ADRA1B: variants seen among roughly 807,000 people sequenced by gnomAD.
The protein encoded by ADRA1B is alpha-1B adrenergic receptor.
In ADRA1B, 17 loss-of-function variants were observed where a neutral mutation model predicts 17.9. That is an observed-to-expected ratio of 0.95 (90% CI 0.65 to 1.42). ADRA1B has a LOEUF of 1.42. ADRA1B is among the 40% of genes most tolerant of loss of function. The pLI, the probability that ADRA1B is intolerant of heterozygous loss-of-function variation, is 0.00. For missense variants in ADRA1B, 681 were observed against 722.1 expected (o/e 0.94, Z 0.65); for synonymous variants, 366 against 327.6 (o/e 1.12, Z -1.27).
Position 159,931,752 on chromosome 5 carries a change from G to A in ADRA1B, c.949+13898G>A, listed in dbSNP as rs112728934. ...AACATTCAGTGTCTGGTGAGGACCT[G>A]CCCATAGATGGTGACTTCTATGTGT... is the stretch of plus-strand genomic sequence containing the variant. On this transcript the variant is annotated intron_variant, in intron 1 of 1. Transcript: ENST00000306675. Among the ~76,000 whole-genome samples, 662 of 152,298 alleles carry A rather than the reference G, an allele frequency of 4.3e-3. 7 individuals are homozygous for A. Among genetic ancestry groups the A allele is most frequent in the African/African-American group, 0.015 (617 of 41,544 alleles).
intron 1 of ADRA1B, among the ~76,000 whole-genome samples, chr5:159,965,021 G>A (rs139990733): frequency 6.6e-6 from 1 of 152,288 alleles, no homozygotes; most frequent in African/African-American, 2.4e-5. Flanking sequence ...CTCCAAGGTC[G>A]CCCAGCTGAG....
At chr5:159,943,442 C>T (rs757594143) in intron 1 of ADRA1B, among the ~76,000 whole-genome samples, 14 of 152,266 alleles carry the variant, frequency 9.2e-5, no homozygotes, top group Admixed American at 2.6e-4. Context: ...AGTAAACCCA[C>T]GGGGCCAGTT....
At chr5:159,894,344 G>T (rs1335316104) in intron 1 of ADRA1B, among the ~76,000 whole-genome samples, 1 of 152,190 alleles carries the variant, frequency 6.6e-6, no homozygotes, top group Non-Finnish European at 1.5e-5. Context: ...TGTTTTAGGG[G>T]ATAGAGAATT....
At chr5:159,913,274 C>T (rs1377712059), upstream of ADRA1B, among the ~76,000 whole-genome samples, 2 of 152,096 alleles carry the variant, frequency 1.3e-5, no homozygotes, top group Admixed American at 6.5e-5. Context: ...AATGAAATAT[C>T]GTCTGTGTTC....
At chr5:159,897,442 C>G (rs747250705) in intron 1 of ADRA1B, among the ~76,000 whole-genome samples, 8 of 151,572 alleles carry the variant, frequency 5.3e-5, no homozygotes, top group African/African-American at 1.5e-4. Context: ...GCAGAGATCA[C>G]GCCACTGCAC....
At chr5:159,885,361 C>A (rs766985477) in intron 1 of ADRA1B, among the ~76,000 whole-genome samples, 1 of 152,210 alleles carries the variant, frequency 6.6e-6, no homozygotes, top group Non-Finnish European at 1.5e-5. Context: ...CAGCCCCCAA[C>A]TCCAGGGTGA....
Position 159,972,280 on chromosome 5 carries a change from G to C in ADRA1B, c.1351G>C (p.Gly451Arg). The C allele has an allele frequency of 7.3e-7, 1 of 1,368,320 alleles. No homozygotes were observed. The highest frequency in any genetic ancestry group is 9.4e-7 in the Non-Finnish European group (1 of 1,063,212). 84.8% of individuals were successfully genotyped at this position (1,368,320 alleles called of 1,614,324 possible). A position where few individuals can be genotyped will look rare whatever the true frequency, so the allele number is the denominator to read the frequency against. ...CGCCTTCCCCGAGTGGAAGGCGCCCGGCGCCCTCCTGAGCCTGCCCGCGCC... is the reference window on the plus strand; with the variant it reads ...CGCCTTCCCCGAGTGGAAGGCGCCCCGCGCCCTCCTGAGCCTGCCCGCGCC... ...LCAFPEWKAP[G>R]ALLSLPAPEP... The change falls in exon 2 of 2, where the codon GGC becomes CGC. Residue 451 changes from glycine (G) to arginine (R), a missense_variant. Coordinates refer to ENST00000306675, the MANE Select transcript of ADRA1B (RefSeq NM_000679.4).
At chr5:159,874,417 A>T (rs1753781155) in intron 1 of ADRA1B, among the ~76,000 whole-genome samples, 1 of 152,182 alleles carries the variant, frequency 6.6e-6, no homozygotes, top group African/African-American at 2.4e-5. Context: ...CCTCCTTCAC[A>T]ATTTTCTTCC....
intron 1 of ADRA1B, among the ~76,000 whole-genome samples, chr5:159,944,934 G>A (rs531795294): frequency 1.3e-5 from 2 of 152,142 alleles, no homozygotes; most frequent in African/African-American, 4.8e-5. Flanking sequence ...TGGACAAATC[G>A]TACATATAAA....
chr5:159,939,278 A>T (rs13156923), intron 1 of ADRA1B, among the ~76,000 whole-genome samples: 24 of 98,364 alleles, frequency 2.4e-4, no homozygotes, highest in South Asian at 8.5e-4. Context: ...AGAGAGAGAG[A>T]GTGTGTGTGT....
intron 1 of ADRA1B, among the ~76,000 whole-genome samples, chr5:159,891,812 G>A (rs1224666978): frequency 6.6e-6 from 1 of 152,142 alleles, no homozygotes; most frequent in African/African-American, 2.4e-5. Context: ...GCTCAATCTA[G>A]GCCCTGATTT....
At chr5:159,944,500 A>T (rs1301168893) in intron 1 of ADRA1B, among the ~76,000 whole-genome samples, 2 of 152,236 alleles carry the variant, frequency 1.3e-5, no homozygotes, top group Non-Finnish European at 2.9e-5. Flanking sequence ...ATGCTGTGAA[A>T]CCTGGTCTCT....
chr5:159,890,335 G>T (rs558948235), intron 1 of ADRA1B, among the ~76,000 whole-genome samples: 2 of 152,156 alleles, frequency 1.3e-5, no homozygotes, highest in Non-Finnish European at 2.9e-5. Flanking sequence ...TAGGATACTT[G>T]CCCTGCTCCT....
chr5:159,883,098 A>G (rs10060486), intron 1 of ADRA1B, among the ~76,000 whole-genome samples: 107,653 of 151,986 alleles, frequency 0.71, 39,917 homozygotes, highest in African/African-American at 0.88. Flanking sequence ...TGTTACCCTT[A>G]AGGCAAGTCT....
chr5:159,876,804 G>A (rs569441243), intron 1 of ADRA1B, among the ~76,000 whole-genome samples: 3 of 152,280 alleles, frequency 2.0e-5, no homozygotes, highest in African/African-American at 7.2e-5. Context: ...AGTAAAGGAC[G>A]ATTTGTCCCT....
chr5:159,957,436 T>C (rs1325724247), intron 1 of ADRA1B, among the ~76,000 whole-genome samples: 1 of 146,356 alleles, frequency 6.8e-6, no homozygotes, highest in Admixed American at 7.1e-5. Context: ...GCCCAGGAGG[T>C]GGAGGCTGCA....
intron 1 of ADRA1B, among the ~76,000 whole-genome samples, chr5:159,959,216 C>A (rs1263174840): frequency 6.6e-6 from 1 of 152,174 alleles, no homozygotes; most frequent in Non-Finnish European, 1.5e-5. Context: ...AAGTCTGGAG[C>A]AGTCAGGAAG....
chr5:159,875,969 A>C (rs1393880439), intron 1 of ADRA1B, among the ~76,000 whole-genome samples: 1 of 152,192 alleles, frequency 6.6e-6, no homozygotes, highest in Non-Finnish European at 1.5e-5. Context: ...TGGGCGGATC[A>C]CTTGAGGTCA....
the ADRA1B span, among the ~76,000 whole-genome samples, chr5:159,984,709 C>A: frequency 6.6e-6 from 1 of 150,944 alleles, no homozygotes; most frequent in Non-Finnish European, 1.5e-5. Context: ...GCCAACCTGG[C>A]CAACATGGCG....
Sources: allele counts gnomAD v4.1 joint callset (sites outside exome capture counted in the v4.1 genomes callset), GRCh38; gene constraint gnomAD v4.1.1; transcripts MANE v1.5; gene names NCBI Gene and HGNC (gene_info 2026-07-23, HGNC 2026-07-21).